Variants in C1orf21 observed in about 807,000 individuals in gnomAD.
C1orf21 encodes uncharacterized protein C1orf21.
In C1orf21, 3 loss-of-function variants were observed where a neutral mutation model predicts 18.7. The observed-to-expected ratio is 0.16, with a 90% CI of 0.07 to 0.42. The LOEUF is 0.42. C1orf21 is among the 10% of genes least tolerant of loss of function. C1orf21 has a pLI of 0.99. For synonymous variants in C1orf21, 41 were observed against 46.4 expected (o/e 0.88, Z 0.47); for missense variants, 104 against 143.6 (o/e 0.72, Z 1.41).
rs1236105399 is a variant in C1orf21, at chr1:184,474,772, G to A, written c.-124-2614G>A. Among the ~76,000 whole-genome samples, 4 of 152,258 alleles carry A rather than the reference G, an allele frequency of 2.6e-5. No individual in the cohort carries two copies. The East Asian group carries it at 7.7e-4, about 29-fold the overall frequency. Reference sequence around the variant, plus strand: ...GAAGAGGTGGCAGGGAAGCCACCTAGGTTCGCCCTCTCACTTCAATCTCTC... The same window carrying A: ...GAAGAGGTGGCAGGGAAGCCACCTAAGTTCGCCCTCTCACTTCAATCTCTC... On this transcript the variant is annotated intron_variant, in intron 1 of 5. Coordinates refer to ENST00000235307, the MANE Select transcript of C1orf21 (RefSeq NM_030806.4).
chr1:184,485,965 G>T (rs1657726969), intron 2 of C1orf21, among the ~76,000 whole-genome samples: 1 of 152,212 alleles, frequency 6.6e-6, no homozygotes, highest in East Asian at 1.9e-4. Flanking sequence ...AGTCATAAAA[G>T]CTGAGAAATT....
intron 1 of C1orf21, among the ~76,000 whole-genome samples, chr1:184,389,003 G>C (rs969516573): frequency 1.3e-5 from 2 of 152,058 alleles, no homozygotes; most frequent in African/African-American, 4.8e-5. Context: ...AATTTGGATT[G>C]GATCACCTAT....
At chr1:184,495,647 T>C (rs975035375) in intron 2 of C1orf21, among the ~76,000 whole-genome samples, 7 of 151,896 alleles carry the variant, frequency 4.6e-5, no homozygotes, top group Non-Finnish European at 8.8e-5. Context: ...GTGGGCCAGG[T>C]GTGGTGGCTC....
intron 3 of C1orf21, among the ~76,000 whole-genome samples, chr1:184,523,461 A>C (rs1021381709): frequency 6.6e-6 from 1 of 152,222 alleles, no homozygotes; most frequent in Non-Finnish European, 1.5e-5. Flanking sequence ...TATCAAGGTC[A>C]TCAGAAACAA....
At chr1:184,423,846 C>G (rs1432734547) in intron 1 of C1orf21, among the ~76,000 whole-genome samples, 2 of 149,014 alleles carry the variant, frequency 1.3e-5, no homozygotes, top group African/African-American at 2.5e-5. Context: ...CTCCACTCAT[C>G]CATCCACCCA....
chr1:184,515,261 T>G (rs1030896281), intron 3 of C1orf21, among the ~76,000 whole-genome samples: 1 of 152,188 alleles, frequency 6.6e-6, no homozygotes, highest in Non-Finnish European at 1.5e-5. Context: ...TTTTAATTTT[T>G]TCAAGAAAAT....
intron 1 of C1orf21, among the ~76,000 whole-genome samples, chr1:184,457,263 A>G (rs1362973765): frequency 6.6e-6 from 1 of 152,184 alleles, no homozygotes; most frequent in Non-Finnish European, 1.5e-5. Flanking sequence ...ATATTCAACA[A>G]ATACTTACTG....
At chr1:184,582,661 A>G (rs756052599) in intron 3 of C1orf21, among the ~76,000 whole-genome samples, 5 of 152,212 alleles carry the variant, frequency 3.3e-5, no homozygotes, top group Non-Finnish European at 7.3e-5. Flanking sequence ...TGCAAAGGGA[A>G]CCTTACAGGG....
chr1:184,548,574 T>A (rs527273818), intron 3 of C1orf21, among the ~76,000 whole-genome samples: 1 of 152,268 alleles, frequency 6.6e-6, no homozygotes, highest in Non-Finnish European at 1.5e-5. Context: ...CACTAAGCAC[T>A]TAGCCAGAAT....
At position 184,471,891 on chromosome 1, in the gene C1orf21, G is replaced by A. The variant is rs538850446; in HGVS notation, c.-124-5495G>A. On this transcript the variant is annotated intron_variant, in intron 1 of 5. Coordinates refer to ENST00000235307, the MANE Select transcript of C1orf21 (RefSeq NM_030806.4). ...TGTTCTGTGATGCCAGCGATTGTTG[G>A]GTAATGAAAGGCTTGACTTTTCTAG... Among the ~76,000 whole-genome samples the A allele has an allele frequency of 3.3e-5, 5 of 152,192 alleles. No homozygotes were observed. In the East Asian group the frequency reaches 9.7e-4, roughly 29 times the overall value.
chr1:184,450,473 T>C (rs190334343), intron 1 of C1orf21, among the ~76,000 whole-genome samples: 1 of 152,150 alleles, frequency 6.6e-6, no homozygotes. Flanking sequence ...ATGCTTTTAA[T>C]AGGAAGAATG....
intron 3 of C1orf21, among the ~76,000 whole-genome samples, chr1:184,521,300 A>G (rs1658303315): frequency 6.6e-6 from 1 of 152,174 alleles, no homozygotes; most frequent in Non-Finnish European, 1.5e-5. Context: ...ACTGATTGGA[A>G]AAACTGTAAC....
At position 184,602,103 on chromosome 1, in the gene C1orf21, C is replaced by T. The variant is rs895098615; in HGVS notation, c.327+3642C>T. Among the ~76,000 whole-genome samples, 66 of 152,168 alleles carry T rather than the reference C, an allele frequency of 4.3e-4. 1 individual carries two copies. The highest frequency in any genetic ancestry group is 1.3e-4 in the Non-Finnish European group (9 of 68,036). On this transcript the variant is annotated intron_variant, in intron 5 of 5. Coordinates refer to ENST00000235307, the MANE Select transcript of C1orf21 (RefSeq NM_030806.4). ...TAATTATTTTTCTGATCAAGGAGTA[C>T]TTCACCCATCACCACCACCACCATC...
chr1:184,499,395 A>G (rs1052987778), intron 2 of C1orf21, among the ~76,000 whole-genome samples: 3 of 152,194 alleles, frequency 2.0e-5, no homozygotes, highest in Non-Finnish European at 4.4e-5. Context: ...TTTTAACGCA[A>G]GATTTCACAG....
At position 184,439,044 on chromosome 1, in the gene C1orf21, C is replaced by A. The variant is rs114418665; in HGVS notation, c.-124-38342C>A. On this transcript the variant is annotated intron_variant, in intron 1 of 5. Coordinates refer to ENST00000235307, the MANE Select transcript of C1orf21 (RefSeq NM_030806.4). ...TGGCCAACGCGGTGAAAACCCATTTCTACTAAAAATATAAAAACTGGCCAG... is the reference window on the plus strand; with the variant it reads ...TGGCCAACGCGGTGAAAACCCATTTATACTAAAAATATAAAAACTGGCCAG... Among the ~76,000 whole-genome samples the A allele has an allele frequency of 2.1e-3, 327 of 152,150 alleles. 2 individuals carry two copies. The highest frequency in any genetic ancestry group is 7.4e-3 in the African/African-American group (309 of 41,502).
At chr1:184,428,045 C>T (rs1656669556) in intron 1 of C1orf21, among the ~76,000 whole-genome samples, 1 of 152,194 alleles carries the variant, frequency 6.6e-6, no homozygotes, top group East Asian at 1.9e-4. Context: ...CTTAAGCCCT[C>T]TGAGTTTTGG....
intron 5 of C1orf21, among the ~76,000 whole-genome samples, chr1:184,613,024 C>T (rs139970584): frequency 0.012 from 1,855 of 152,196 alleles, 31 homozygotes; most frequent in African/African-American, 0.042. Context: ...GATCTTGACT[C>T]ACTGCAACCT....
intron 2 of C1orf21, among the ~76,000 whole-genome samples, chr1:184,502,897 G>A (rs1427288464): frequency 2.0e-5 from 3 of 151,654 alleles, no homozygotes; most frequent in African/African-American, 7.3e-5. Context: ...GGCCAACATG[G>A]TGAAACCCTG....
intron 3 of C1orf21, among the ~76,000 whole-genome samples, chr1:184,531,326 A>G (rs370143603): frequency 6.0e-4 from 92 of 152,090 alleles, no homozygotes; most frequent in African/African-American, 2.1e-3. Context: ...TATGTCTGCC[A>G]TCTTCTCTCT....
Sources: allele counts gnomAD v4.1 joint callset (sites outside exome capture counted in the v4.1 genomes callset), GRCh38; gene constraint gnomAD v4.1.1; transcripts MANE v1.5; gene names NCBI Gene and HGNC (gene_info 2026-07-23, HGNC 2026-07-21).